The following CAGE1 variants were observed in gnomAD, a reference collection of about 807,000 sequenced individuals.
CAGE1 encodes cancer-associated gene 1 protein.
A neutral mutation model predicts 94.9 loss-of-function variants in CAGE1; 66 were observed. The observed-to-expected ratio is 0.70, with a 90% CI of 0.57 to 0.85. The LOEUF (loss-of-function observed/expected upper bound fraction) is 0.85, where lower values mean the gene tolerates loss of function less well. Among genes scored for constraint, CAGE1 ranks in the 40% least tolerant of loss-of-function variants. CAGE1 has a pLI of 0.00. For missense variants in CAGE1, 865 were observed against 950.4 expected, an observed-to-expected ratio of 0.91 and a Z score of 1.18; for synonymous variants, 319 against 321.0, an observed-to-expected ratio of 0.99 and a Z score of 0.07.
At chr6:7,345,804 A>G (rs911330842) in intron 11 of CAGE1, among the ~76,000 whole-genome samples, 1 of 152,122 alleles carries the variant, frequency 6.6e-6, no homozygotes, top group Non-Finnish European at 1.5e-5. Flanking sequence ...AGGCCCCCAT[A>G]GTCCCAGCTA....
intron 3 of CAGE1, among the ~76,000 whole-genome samples, chr6:7,383,778 A>C (rs1248845030): frequency 6.6e-6 from 1 of 152,204 alleles, no homozygotes; most frequent in Non-Finnish European, 1.5e-5. Context: ...TCTGAACATG[A>C]AACATTTAAT....
chr6:7,357,692 C>T (rs535551829), intron 9 of CAGE1, among the ~76,000 whole-genome samples: 22 of 151,976 alleles, frequency 1.4e-4, no homozygotes, highest in African/African-American at 4.8e-4. Context: ...TTTCTGCTAA[C>T]GTACAAATTT....
rs1288483152 is a variant in CAGE1 at position 7,373,499 on chromosome 6, C to G, written c.1320G>C (p.Glu440Asp). Reference sequence around the variant, plus strand: ...CTTTCTTGCTTAAGGTTTTGTCCATCTCTAAATACTGACTTACAGATTTAT... The same window carrying G: ...CTTTCTTGCTTAAGGTTTTGTCCATGTCTAAATACTGACTTACAGATTTAT... The part of the protein sequence containing the change: ...QKNKSVSQYL[E>D]MDKTLSKKEE... The change falls in exon 5 of 14, where the codon GAG (glutamate) becomes GAC (aspartate). Residue 440 changes from glutamate (E) to aspartate (D), a missense_variant. Transcript: ENST00000502583. The G allele has an allele frequency of 6.2e-7, 1 of 1,613,840 alleles. No individual in the cohort carries two copies. The highest frequency in any genetic ancestry group is 8.5e-7 in the Non-Finnish European group (1 of 1,179,868).
At chr6:7,357,929 G>T (rs185618076) in intron 9 of CAGE1, among the ~76,000 whole-genome samples, 77 of 150,478 alleles carry the variant, frequency 5.1e-4, no homozygotes, top group African/African-American at 1.8e-3. Flanking sequence ...TAGTAGCAGG[G>T]ACTACAGGTG....
At chr6:7,353,260 T>C (rs1482969442) in intron 11 of CAGE1, among the ~76,000 whole-genome samples, 3 of 152,246 alleles carry the variant, frequency 2.0e-5, no homozygotes, top group African/African-American at 4.8e-5. Flanking sequence ...AAAGAAGATA[T>C]ACAAGTGGCC....
intron 3 of CAGE1, 29 bp from the exon 4 acceptor site, chr6:7,379,049 A>G (rs1760850776): frequency 1.4e-6 from 2 of 1,392,906 alleles, no homozygotes; most frequent in Non-Finnish European, 1.9e-6. Flanking sequence ...AAGGAAATAA[A>G]AACGAGTAGA....
intron 9 of CAGE1, among the ~76,000 whole-genome samples, chr6:7,359,978 G>A (rs1030231648): frequency 1.3e-5 from 2 of 152,126 alleles, no homozygotes; most frequent in Non-Finnish European, 2.9e-5. Context: ...ACAGGGCTGC[G>A]CTCCTTTCTG....
chr6:7,344,612 CG>C (rs1759352636), intron 11 of CAGE1, among the ~76,000 whole-genome samples: 1 of 152,260 alleles, frequency 6.6e-6, no homozygotes, highest in East Asian at 1.9e-4. Flanking sequence ...GCGTACGGCC[CG>C]AGACTGGAAA....
intron 3 of CAGE1, among the ~76,000 whole-genome samples, chr6:7,382,835 G>A (rs576883171): frequency 1.3e-4 from 20 of 152,090 alleles, no homozygotes; most frequent in Non-Finnish European, 2.5e-4. Context: ...GTTTGAACCC[G>A]GAAGGTGGAG....
chr6:7,355,236 C>T (rs2113409048), intron 10 of CAGE1, 125 bp from the exon 11 acceptor site: 1 of 598,614 alleles, frequency 1.7e-6, no homozygotes, highest in Non-Finnish European at 3.0e-6. Context: ...AGGCAAAACA[C>T]TTTCCTTACA....
At chr6:7,363,676 T>C (rs1324501223) in intron 9 of CAGE1, among the ~76,000 whole-genome samples, 1 of 152,184 alleles carries the variant, frequency 6.6e-6, no homozygotes, top group Non-Finnish European at 1.5e-5. Context: ...TAAGAAGCCT[T>C]GTGGAGGGTG....
At chr6:7,349,859 G>C (rs1438044663) in intron 11 of CAGE1, among the ~76,000 whole-genome samples, 1 of 151,454 alleles carries the variant, frequency 6.6e-6, no homozygotes, top group Non-Finnish European at 1.5e-5. Context: ...TTGAGCCCAG[G>C]GGCCAAGGTT....
intron 11 of CAGE1, among the ~76,000 whole-genome samples, chr6:7,352,302 A>ACG (rs1310830729): frequency 9.8e-6 from 1 of 102,146 alleles, no homozygotes; most frequent in African/African-American, 4.3e-5. Context: ...AAAAAAAAAA[A>ACG]AAACAAAAAA....
intron 11 of CAGE1, among the ~76,000 whole-genome samples, chr6:7,352,316 C>CAAA (rs70978959): frequency 3.3e-5 from 3 of 91,878 alleles, no homozygotes; most frequent in Admixed American, 1.1e-4. Context: ...CAAAAAAAAA[C>CAAA]AAAAAAAAAA....
At position 7,358,037 on chromosome 6, in the gene CAGE1, T is replaced by G. The variant is rs1238206881; in HGVS notation, c.2194-1908A>C. On this transcript the variant is annotated intron_variant, in intron 9 of 13. Transcript: ENST00000502583. ...TTAGGTAAGTTTTGAGATATATATATATATATATATATATATATATATATA... is the reference window on the plus strand; with the variant it reads ...TTAGGTAAGTTTTGAGATATATATAGATATATATATATATATATATATATA... 1.4e-4 allele frequency among the ~76,000 whole-genome samples: 7 copies of G among 48,828 alleles called. 1 individual carries two copies. In the South Asian group the frequency reaches 2.1e-3, roughly 15 times the overall value. 32.0% of individuals were successfully genotyped at this position (48,828 alleles called of 152,430 possible). A position where few individuals can be genotyped will look rare whatever the true frequency, so the allele number is the denominator to read the frequency against.
chr6:7,373,558 G>T lies in CAGE1; in HGVS notation c.1261C>A (p.Gln421Lys). The change falls in exon 5 of 14, where the codon CAG (glutamine) becomes AAG (lysine). Residue 421 changes from glutamine to lysine, a missense_variant. Transcript: ENST00000502583. ...TGCATTTCAGTCATGTACCTTTCCTGTAAACACACATAATTAGCCTTGATC... is the reference window on the plus strand; with the variant it reads ...TGCATTTCAGTCATGTACCTTTCCTTTAAACACACATAATTAGCCTTGATC... The part of the protein sequence containing the change: ...KKIKANYVCL[Q>K]ERYMTEMQQK... 1.2e-6 allele frequency: 2 copies of T among 1,613,372 alleles called. No homozygotes were observed.
chr6:7,385,736 CAA>C (rs763257429), intron 3 of CAGE1, 47 bp downstream of exon 3: 2 of 1,179,728 alleles, frequency 1.7e-6, no homozygotes, highest in East Asian at 2.7e-5. Context: ...TCACGGAACA[CAA>C]AAAAAAGTTT....
chr6:7,387,621 A>G (rs1247912353), intron 1 of CAGE1, among the ~76,000 whole-genome samples: 1 of 152,018 alleles, frequency 6.6e-6, no homozygotes, highest in Non-Finnish European at 1.5e-5. Flanking sequence ...TACTGCGCCT[A>G]TTCCCTCAGG....
chr6:7,331,550 G>T, intron 12 of CAGE1: 1 of 378,616 alleles, frequency 2.6e-6, no homozygotes, highest in South Asian at 3.9e-5. Flanking sequence ...CTTTGGTTTA[G>T]CTGAGACACA....
Sources: allele counts gnomAD v4.1 joint callset (sites outside exome capture counted in the v4.1 genomes callset), GRCh38; gene constraint gnomAD v4.1.1; transcripts MANE v1.5; gene names NCBI Gene and HGNC (gene_info 2026-07-23, HGNC 2026-07-21).